Variants in MAPK9 observed in about 807,000 individuals in gnomAD.
MAPK9 encodes the protein Jun kinase.
In MAPK9, 30 loss-of-function variants were observed where a neutral mutation model predicts 57.1. That is an observed-to-expected ratio of 0.53 (90% CI 0.39 to 0.71). The LOEUF is 0.71. Among genes scored for constraint, MAPK9 ranks in the 30% least tolerant of loss-of-function variants. MAPK9 has a pLI of 0.00. For missense variants in MAPK9, 362 were observed against 521.0 expected (o/e 0.69, Z 2.97); for synonymous variants, 155 against 177.0 (o/e 0.88, Z 0.99).
At chr5:180,280,352 C>T in intron 2 of MAPK9, 88 bp downstream of exon 2, 3 of 1,509,272 alleles carry the variant, frequency 2.0e-6, no homozygotes, top group Admixed American at 2.2e-5. Flanking sequence ...TTTTTTTAAT[C>T]ATCAATGTTT....
At position 180,240,708 on chromosome 5, in the gene MAPK9, T is replaced by G. The variant is rs142611107; in HGVS notation, c.996+323A>C. On this transcript the variant is annotated intron_variant, in intron 9 of 11. Transcript: ENST00000452135. ...TCAGCAAGTTGCTCAGCCTCTCTGG[T>G]TAAGTGGCCTAAACAAGAGGATGTA... Among the ~76,000 whole-genome samples, 1,241 of 152,350 alleles carry G rather than the reference T, an allele frequency of 8.1e-3. 6 individuals carry two copies. The highest frequency in any genetic ancestry group is 0.014 in the Non-Finnish European group (976 of 68,038).
chr5:180,252,983 G>A (rs1398847822), intron 5 of MAPK9, among the ~76,000 whole-genome samples: 2 of 152,160 alleles, frequency 1.3e-5, no homozygotes, highest in African/African-American at 4.8e-5. Flanking sequence ...AGCTGAGGGG[G>A]CCAGGGTGGA....
At chr5:180,240,974 T>C (rs546039154) in intron 9 of MAPK9, 57 bp downstream of exon 9, 8 of 1,557,918 alleles carry the variant, frequency 5.1e-6, no homozygotes, top group Non-Finnish European at 6.9e-6. Flanking sequence ...ACAGACAAGA[T>C]CCAAGGAAAT....
intron 2 of MAPK9, among the ~76,000 whole-genome samples, chr5:180,277,648 G>C (rs1761943571): frequency 6.6e-6 from 1 of 152,052 alleles, no homozygotes. Flanking sequence ...TGATTTTCAA[G>C]TACAATAGTG....
intron 7 of MAPK9, among the ~76,000 whole-genome samples, chr5:180,244,551 G>A (rs1757920812): frequency 1.3e-5 from 2 of 152,006 alleles, no homozygotes; most frequent in Admixed American, 6.5e-5. Context: ...CGAGGCAGGT[G>A]GATCACAAGG....
chr5:180,269,667 T>G (rs1346297815), intron 2 of MAPK9, among the ~76,000 whole-genome samples: 1 of 152,232 alleles, frequency 6.6e-6, no homozygotes, highest in Non-Finnish European at 1.5e-5. Flanking sequence ...GGTTTCATAG[T>G]TTAGATTACA....
chr5:180,267,903 C>T lies in MAPK9; in HGVS notation c.252+1377G>A, dbSNP rs192518870. On this transcript the variant is annotated intron_variant, in intron 3 of 11. Transcript: ENST00000452135. ...TTTGAGACGGAGTCTCGCTCTGTCG[C>T]CCAGGCTGGAGTGCAGTGGTGCTAT... 3.0e-3 allele frequency among the ~76,000 whole-genome samples: 458 copies of T among 152,170 alleles called. 3 individuals are homozygous for T. Among genetic ancestry groups the T allele is most frequent in the Non-Finnish European group, 2.5e-3 (172 of 68,004 alleles).
Position 180,238,411 on chromosome 5 carries a change from A to G in MAPK9, c.1061-8T>C, listed in dbSNP as rs180730404. 5.5e-4 allele frequency: 874 copies of G among 1,584,160 alleles called. 4 individuals are homozygous for G. The highest frequency in any genetic ancestry group is 3.9e-5 in the Non-Finnish European group (45 of 1,153,422). The stretch of plus-strand genomic sequence containing the variant: ...CTTCTTTGTAAATTAGCTCTTTAAT[A>G]AAAATACAAGTTAAAATGCTTAATC... On this transcript the variant is annotated splice_region_variant and splice_polypyrimidine_tract_variant and intron_variant, in intron 10 of 11. Coordinates refer to ENST00000452135, the MANE Select transcript of MAPK9 (RefSeq NM_002752.5).
chr5:180,239,580 A>G (rs1050990053), intron 10 of MAPK9, among the ~76,000 whole-genome samples: 1 of 152,216 alleles, frequency 6.6e-6, no homozygotes, highest in Non-Finnish European at 1.5e-5. Flanking sequence ...TTTCCCCCAA[A>G]CTAGATTTTA....
At chr5:180,264,704 A>G in intron 4 of MAPK9, 77 bp downstream of exon 4, 1 of 1,360,428 alleles carries the variant, frequency 7.4e-7, no homozygotes, top group Non-Finnish European at 9.8e-7. Flanking sequence ...TTTCCTAAGT[A>G]TAAAAAGCAG....
intron 2 of MAPK9, 68 bp from the exon 3 acceptor site, chr5:180,269,477 T>C: frequency 7.3e-7 from 1 of 1,379,060 alleles, no homozygotes; most frequent in Non-Finnish European, 1.0e-6. Context: ...TGCCAGAATA[T>C]ACATTGAATA....
In MAPK9 at chr5:180,236,967, A is replaced by T. The variant is rs33998980; in HGVS notation, c.1133-441T>A. ...TAAACACTAAATCTACAGGAAAAAA[A>T]GCATCAACTTTCAAAGAAATCTTTT... On this transcript the variant is annotated intron_variant, in intron 11 of 11. Transcript: ENST00000452135. The T allele has an allele frequency of 2.5e-3, 383 of 152,738 alleles. 7 individuals carry two copies. In the East Asian group the frequency reaches 0.034, roughly 14 times the overall value. 9.5% of individuals were successfully genotyped at this position (152,738 alleles called of 1,614,324 possible). A position where few individuals can be genotyped will look rare whatever the true frequency, so the allele number is the denominator to read the frequency against.
intron 2 of MAPK9, among the ~76,000 whole-genome samples, chr5:180,272,740 G>T (rs1431471557): frequency 6.6e-6 from 1 of 152,130 alleles, no homozygotes; most frequent in Non-Finnish European, 1.5e-5. Flanking sequence ...ATCACATTAC[G>T]TTGATAGATA....
At chr5:180,284,924 G>A (rs1246319099) in intron 1 of MAPK9, among the ~76,000 whole-genome samples, 4 of 152,054 alleles carry the variant, frequency 2.6e-5, no homozygotes, top group Admixed American at 6.6e-5. Flanking sequence ...GCATACACAC[G>A]CACATACACA....
chr5:180,281,092 A>G lies in MAPK9; in HGVS notation c.-47-484T>C, dbSNP rs1762277079. 2.0e-5 allele frequency among the ~76,000 whole-genome samples: 3 copies of G among 152,338 alleles called. No homozygotes were observed. In the South Asian group the frequency reaches 6.2e-4, roughly 32 times the overall value. ...TAGATTCTGGTTGAAATGATGAACC[A>G]AAAAGCAAGATTCATACGCCAAAGT... On this transcript the variant is annotated intron_variant, in intron 1 of 11. Coordinates refer to ENST00000452135, the MANE Select transcript of MAPK9 (RefSeq NM_002752.5).
chr5:180,247,656 T>C lies in MAPK9; in HGVS notation c.617-146A>G. On this transcript the variant is annotated intron_variant, in intron 6 of 11. Transcript: ENST00000452135. This position sits in a 1 kb window ranked among gnomAD's most constrained non-coding sequence, Gnocchi z 4.5. ...TGACATTTTACACAATATGAATGAT[T>C]GCTGACCTCTATTTTAGCCTTCGGT... is the stretch of plus-strand genomic sequence containing the variant. 1 of 933,860 alleles carries C rather than the reference T, an allele frequency of 1.1e-6. No homozygotes were observed. Among genetic ancestry groups the C allele is most frequent in the Non-Finnish European group, 1.7e-6 (1 of 589,228 alleles). 57.8% of individuals were successfully genotyped at this position (933,860 alleles called of 1,614,324 possible). A position where few individuals can be genotyped will look rare whatever the true frequency, so the allele number is the denominator to read the frequency against.
intron 8 of MAPK9, among the ~76,000 whole-genome samples, chr5:180,241,443 G>A (rs554226641): frequency 2.0e-5 from 3 of 152,056 alleles, no homozygotes; most frequent in East Asian, 3.9e-4. Context: ...GACTACAGGC[G>A]TCTGCCACCA....
chr5:180,280,124 G>A (rs1762189755), intron 2 of MAPK9: 1 of 470,228 alleles, frequency 2.1e-6, no homozygotes, highest in African/African-American at 2.0e-5. Context: ...CCAAATTTCT[G>A]TTACAACTCA....
chr5:180,257,707 G>C (rs900631420), intron 5 of MAPK9: 2 of 152,938 alleles, frequency 1.3e-5, no homozygotes, highest in Admixed American at 6.5e-5. Context: ...CCAGAACAGT[G>C]AAAGTCATTT....
Sources: allele counts gnomAD v4.1 joint callset (sites outside exome capture counted in the v4.1 genomes callset), GRCh38; gene constraint gnomAD v4.1.1; non-coding constraint Gnocchi (gnomAD v3.1); transcripts MANE v1.5; gene names NCBI Gene and HGNC (gene_info 2026-07-23, HGNC 2026-07-21).